Variants in FAT3 observed in about 807,000 individuals in gnomAD.
FAT3 encodes FAT atypical cadherin 3.
Under a neutral mutation model 310.2 loss-of-function variants are expected in FAT3, and 95 were observed. The observed-to-expected ratio is 0.31, with a 90% CI of 0.26 to 0.36. The LOEUF is 0.36. Ranked by LOEUF, FAT3 falls within the 10% of genes least tolerant of loss-of-function variation. FAT3 has a pLI of 1.00. For synonymous variants in FAT3, 2,314 were observed against 2,192.9 expected, an observed-to-expected ratio of 1.06 and a Z score of -1.54; for missense variants, 5,408 against 5,715.6, an observed-to-expected ratio of 0.95 and a Z score of 1.74.
chr11:92,330,965 GGTGTGTGTGT>G (rs375080524), intron 1 of FAT3, among the ~76,000 whole-genome samples: 14 of 135,992 alleles, frequency 1.0e-4, no homozygotes, highest in East Asian at 4.2e-4. Context: ...AGGAGTAAAG[GGTGTGTGTGT>G]GTGTGTGTGT....
chr11:92,415,849 C>CTTTTTTTTTTTTT lies in FAT3; in HGVS notation c.3292+60457_3292+60469dup, dbSNP rs1196695394. Among the ~76,000 whole-genome samples, 24 of 70,402 alleles carry CTTTTTTTTTTTTT rather than the reference C, an allele frequency of 3.4e-4. 2 individuals are homozygous for CTTTTTTTTTTTTT. Among genetic ancestry groups the CTTTTTTTTTTTTT allele is most frequent in the African/African-American group, 8.9e-4 (17 of 19,010 alleles). The allele number at this position is 70,402 out of a possible 152,430, so 46.2% of individuals were successfully genotyped here. A position where few individuals can be genotyped will look rare whatever the true frequency, so the allele number is the denominator to read the frequency against. Reference sequence around the variant, plus strand: ...CAATCTTTTAGCATAAGCATTTTTGCTTTTTTTTTTTTTTTTTTTTTTTTA... The same window carrying CTTTTTTTTTTTTT: ...CAATCTTTTAGCATAAGCATTTTTGCTTTTTTTTTTTTTTTTTTTTTTTTTTTTTTTTTTTTTA... On this transcript the variant is annotated intron_variant, in intron 2 of 27. Coordinates refer to ENST00000525166, the MANE Select transcript of FAT3 (RefSeq NM_001367949.2).
intron 2 of FAT3, chr11:92,403,383 T>G (rs1950066815): frequency 1.3e-5 from 2 of 152,230 alleles, no homozygotes; most frequent in Admixed American, 1.3e-4. Flanking sequence ...TCTTATTTGC[T>G]TATTTTTCCC....
chr11:92,813,428 CCA>C (rs1213130642), intron 13 of FAT3, among the ~76,000 whole-genome samples: 1 of 152,156 alleles, frequency 6.6e-6, no homozygotes, highest in Non-Finnish European at 1.5e-5. Flanking sequence ...TTGGTACAAT[CCA>C]CAGAGTTTAT....
At chr11:92,633,868 C>A (rs918452407) in intron 3 of FAT3, among the ~76,000 whole-genome samples, 2 of 152,136 alleles carry the variant, frequency 1.3e-5, no homozygotes, top group African/African-American at 4.8e-5. Flanking sequence ...GCCTGCCTGT[C>A]ATTATTTTTA....
chr11:92,324,841 A>G (rs945655465), intron 1 of FAT3, among the ~76,000 whole-genome samples: 2 of 152,220 alleles, frequency 1.3e-5, no homozygotes, highest in Non-Finnish European at 2.9e-5. Flanking sequence ...CATGACTATT[A>G]TCATTAATCT....
intron 22 of FAT3, among the ~76,000 whole-genome samples, chr11:92,873,293 A>G (rs1276181208): frequency 6.6e-6 from 1 of 152,182 alleles, no homozygotes; most frequent in Non-Finnish European, 1.5e-5. Flanking sequence ...CCTCACCACC[A>G]CATCACAGCC....
At chr11:92,345,244 G>C (rs1238409262) in intron 1 of FAT3, among the ~76,000 whole-genome samples, 3 of 152,024 alleles carry the variant, frequency 2.0e-5, no homozygotes, top group African/African-American at 4.8e-5. Context: ...ACCAAAAATT[G>C]ATTCAATTTT....
At chr11:92,609,343 T>A (rs1940457030) in intron 3 of FAT3, among the ~76,000 whole-genome samples, 1 of 152,180 alleles carries the variant, frequency 6.6e-6, no homozygotes, top group African/African-American at 2.4e-5. Context: ...AGTATGAATG[T>A]GGGTTAAAAC....
intron 1 of FAT3, among the ~76,000 whole-genome samples, chr11:92,244,849 T>C (rs1271232402): frequency 6.6e-6 from 1 of 152,084 alleles, no homozygotes; most frequent in Non-Finnish European, 1.5e-5. Context: ...CAACAGATGT[T>C]GGAGAGGATG....
intron 11 of FAT3, among the ~76,000 whole-genome samples, chr11:92,805,957 G>A (rs2136202106): frequency 6.6e-6 from 1 of 152,270 alleles, no homozygotes; most frequent in African/African-American, 2.4e-5. Flanking sequence ...TCATACTAAT[G>A]CCAAATGCTG....
At position 92,836,698 on chromosome 11, in the gene FAT3, G is replaced by A; in HGVS notation, c.10219G>A (p.Glu3407Lys). 1 of 1,613,184 alleles carries A rather than the reference G, an allele frequency of 6.2e-7. No individual in the cohort carries two copies. Among genetic ancestry groups the A allele is most frequent in the Non-Finnish European group, 8.5e-7 (1 of 1,179,534 alleles). The change falls in exon 16 of 28, where the codon GAA (glutamate) becomes AAA (lysine). Residue 3407 changes from glutamate (E) to lysine (K), a missense_variant. Coordinates refer to ENST00000525166, the MANE Select transcript of FAT3 (RefSeq NM_001367949.2). ...LVKVKKKLDR[E>K]RVSGYSLLVQ... ...GAAAGTTAAGAAGAAATTGGACCGG[G>A]AACGGGTAAGCTAGTTTAGGACAGT...
At chr11:92,821,456 C>A (rs577565178) in intron 13 of FAT3, among the ~76,000 whole-genome samples, 2 of 152,052 alleles carry the variant, frequency 1.3e-5, no homozygotes, top group Non-Finnish European at 2.9e-5. Context: ...TATTTTACCC[C>A]CTTCCCCAAA....
chr11:92,413,572 T>C (rs772551230), intron 2 of FAT3, among the ~76,000 whole-genome samples: 1 of 152,196 alleles, frequency 6.6e-6, no homozygotes, highest in African/African-American at 2.4e-5. Flanking sequence ...AGGTTCAGTT[T>C]TGAGAGCTTC....
intron 19 of FAT3, 140 bp downstream of exon 19, chr11:92,844,872 T>A: frequency 9.4e-7 from 1 of 1,065,540 alleles, no homozygotes; most frequent in South Asian, 1.7e-5. Context: ...AAAGCCATGA[T>A]AGATGCTGGG....
At chr11:92,296,097 T>C (rs1307795546) in intron 1 of FAT3, among the ~76,000 whole-genome samples, 1 of 152,066 alleles carries the variant, frequency 6.6e-6, no homozygotes, top group African/African-American at 2.4e-5. Context: ...ACTCAAGGTA[T>C]ACAGTTATGG....
intron 3 of FAT3, among the ~76,000 whole-genome samples, chr11:92,575,146 G>T (rs1453829905): frequency 6.6e-6 from 1 of 151,922 alleles, no homozygotes; most frequent in Non-Finnish European, 1.5e-5. Context: ...TATCTTTTAG[G>T]TATTTCATGA....
intron 1 of FAT3, chr11:92,336,456 A>G (rs989421142): frequency 2.9e-5 from 9 of 310,938 alleles, no homozygotes; most frequent in Non-Finnish European, 5.0e-5. Context: ...CACTGCCGCC[A>G]AAAGACTGGG....
At chr11:92,810,759 A>G (rs555407844) in intron 13 of FAT3, among the ~76,000 whole-genome samples, 1 of 152,164 alleles carries the variant, frequency 6.6e-6, no homozygotes, top group Non-Finnish European at 1.5e-5. Flanking sequence ...GTTAATTGCT[A>G]GGTAGACCTT....
intron 2 of FAT3, among the ~76,000 whole-genome samples, chr11:92,476,082 C>T (rs191251377): frequency 0.01 from 1,514 of 150,482 alleles, 28 homozygotes; most frequent in African/African-American, 0.035. Context: ...TGTGTGTGTG[C>T]GTGTGTGTGT....
Sources: allele counts gnomAD v4.1 joint callset (sites outside exome capture counted in the v4.1 genomes callset), GRCh38; gene constraint gnomAD v4.1.1; transcripts MANE v1.5; gene names NCBI Gene and HGNC (gene_info 2026-07-23, HGNC 2026-07-21).